Variants in IQCM observed in about 807,000 individuals in gnomAD.
IQCM encodes IQ motif containing M.
IQCM carries 45 observed loss-of-function variants against 57.6 expected under a neutral mutation model. That is an observed-to-expected ratio of 0.78 (90% CI 0.62 to 1.00). The LOEUF is 1.00. Ranked by LOEUF, IQCM falls within the 50% of genes least tolerant of loss-of-function variation. The pLI is 0.00. For synonymous variants in IQCM, 148 were observed against 158.9 expected (o/e 0.93, Z 0.51); for missense variants, 468 against 511.6 (o/e 0.91, Z 0.82).
chr4:149,386,777 A>T (rs893847698), intron 13 of IQCM, among the ~76,000 whole-genome samples: 1 of 151,934 alleles, frequency 6.6e-6, no homozygotes, highest in African/African-American at 2.4e-5. Flanking sequence ...CAGGTGTTCT[A>T]TAGAATGTCC....
intron 2 of IQCM, among the ~76,000 whole-genome samples, chr4:149,804,933 A>G (rs1239449336): frequency 6.6e-6 from 1 of 152,038 alleles, no homozygotes; most frequent in South Asian, 2.1e-4. Context: ...AATGAAGTGC[A>G]CGAAGTAGGA....
chr4:149,446,013 A>G (rs1016237372), intron 12 of IQCM, among the ~76,000 whole-genome samples: 12 of 151,776 alleles, frequency 7.9e-5, no homozygotes, highest in African/African-American at 2.9e-4. Context: ...ATTTTCCCTC[A>G]AAAATCTTGA....
chr4:149,404,152 C>A (rs1414739539), intron 13 of IQCM, among the ~76,000 whole-genome samples: 2 of 151,994 alleles, frequency 1.3e-5, no homozygotes, highest in African/African-American at 4.8e-5. Flanking sequence ...GACACATGTT[C>A]TTCGATACAC....
At chr4:149,694,256 G>C (rs1239985520) in intron 5 of IQCM, among the ~76,000 whole-genome samples, 1 of 116,690 alleles carries the variant, frequency 8.6e-6, no homozygotes, top group African/African-American at 3.4e-5. Flanking sequence ...ACGGAGTCTC[G>C]CTCTGTCGCC....
At chr4:149,476,973 G>A (rs1420306277) in intron 12 of IQCM, among the ~76,000 whole-genome samples, 1 of 152,076 alleles carries the variant, frequency 6.6e-6, no homozygotes, top group Non-Finnish European at 1.5e-5. Context: ...CACAAATACA[G>A]GAAAGACTGA....
At chr4:149,561,190 T>C (rs1431297952) in intron 10 of IQCM, among the ~76,000 whole-genome samples, 4 of 152,188 alleles carry the variant, frequency 2.6e-5, no homozygotes, top group African/African-American at 4.8e-5. Context: ...AAAGTACTTT[T>C]TTATCTCAAA....
At chr4:149,510,863 A>G (rs1178317941) in intron 12 of IQCM, among the ~76,000 whole-genome samples, 1 of 152,210 alleles carries the variant, frequency 6.6e-6, no homozygotes, top group Non-Finnish European at 1.5e-5. Context: ...AACATCACTG[A>G]TGGTAGTAAC....
At chr4:149,613,087 G>A (rs973801950) in intron 8 of IQCM, among the ~76,000 whole-genome samples, 2 of 152,018 alleles carry the variant, frequency 1.3e-5, no homozygotes, top group Admixed American at 1.3e-4. Context: ...GATGATTTGT[G>A]CTAATTCATA....
intron 12 of IQCM, among the ~76,000 whole-genome samples, chr4:149,442,949 CACACAG>C (rs1470900252): frequency 0.011 from 611 of 56,260 alleles, no homozygotes; most frequent in South Asian, 0.039. Context: ...CACACACACA[CACACAG>C]AGAGAGAGAG....
chr4:149,604,202 C>T (rs537340069), intron 8 of IQCM, among the ~76,000 whole-genome samples: 2 of 152,166 alleles, frequency 1.3e-5, no homozygotes, highest in African/African-American at 4.8e-5. Context: ...AGTGTAATTA[C>T]TGGTTTGATT....
intron 12 of IQCM, among the ~76,000 whole-genome samples, chr4:149,487,257 A>C (rs1473779592): frequency 1.3e-5 from 2 of 152,138 alleles, no homozygotes; most frequent in Non-Finnish European, 2.9e-5. Context: ...GGGACCTCAC[A>C]ACTCTGCCCA....
At position 149,658,482 on chromosome 4, in the gene IQCM, T is replaced by G. The variant is rs1035966228; in HGVS notation, c.565+23636A>C. 2.0e-5 allele frequency among the ~76,000 whole-genome samples: 3 copies of G among 152,098 alleles called. No homozygotes were observed. In the South Asian group the frequency reaches 6.2e-4, roughly 32 times the overall value. On this transcript the variant is annotated intron_variant, in intron 7 of 13. Coordinates refer to ENST00000636793, the MANE Select transcript of IQCM (RefSeq NM_001363507.2). Reference sequence around the variant, plus strand: ...TTTTACTCAAGACTGTCTTGGCTTTTGGGGTCTCTCGTGGTTCCATAAGAA... The same window carrying G: ...TTTTACTCAAGACTGTCTTGGCTTTGGGGGTCTCTCGTGGTTCCATAAGAA...
chr4:149,808,017 CA>C (rs373463035), intron 2 of IQCM, among the ~76,000 whole-genome samples: 16 of 152,124 alleles, frequency 1.1e-4, no homozygotes, highest in African/African-American at 3.6e-4. Context: ...GGAAGTTTCT[CA>C]AAAAACTAAA....
At position 149,733,612 on chromosome 4, in the gene IQCM, G is replaced by C. The variant is rs17026381; in HGVS notation, c.121-104C>G. On this transcript the variant is annotated intron_variant, in intron 4 of 13. Transcript: ENST00000636793. ...ATAAGTTCATGAAATTGCACCTCTA[G>C]TACATACATTTTACAAAGTACCTTG... 3.5e-3 allele frequency: 1,788 copies of C among 517,700 alleles called. 18 individuals are homozygous for C. The highest frequency in any genetic ancestry group is 0.031 in the African/African-American group (1,568 of 50,742). The allele number at this position is 517,700 out of a possible 1,614,324, so 32.1% of individuals were successfully genotyped here.
chr4:149,483,672 T>C (rs1329703199), intron 12 of IQCM, among the ~76,000 whole-genome samples: 1 of 151,926 alleles, frequency 6.6e-6, no homozygotes, highest in Non-Finnish European at 1.5e-5. Context: ...GCTTTGAGAG[T>C]TGTTTTGTGA....
chr4:149,555,621 T>G (rs1749507746), intron 10 of IQCM, among the ~76,000 whole-genome samples: 1 of 152,234 alleles, frequency 6.6e-6, no homozygotes. Context: ...CCTTTATGTT[T>G]ATGAACTTAG....
intron 13 of IQCM, among the ~76,000 whole-genome samples, chr4:149,418,172 T>C (rs1361894754): frequency 6.6e-6 from 1 of 151,296 alleles, no homozygotes; most frequent in East Asian, 2.0e-4. Context: ...GGTTATGGTT[T>C]TTTTTTTAAT....
chr4:149,703,823 T>C (rs1433228291), intron 5 of IQCM, among the ~76,000 whole-genome samples: 2 of 151,926 alleles, frequency 1.3e-5, no homozygotes, highest in African/African-American at 2.4e-5. Context: ...GCTTAGTAGC[T>C]GAGACAGTTT....
chr4:149,552,349 TTTTTACCC>T (rs1460730693), intron 11 of IQCM, among the ~76,000 whole-genome samples: 1 of 152,136 alleles, frequency 6.6e-6, no homozygotes, highest in Non-Finnish European at 1.5e-5. Flanking sequence ...CATTTTCACA[TTTTTACCC>T]ATAAAGCAGT....
Sources: allele counts gnomAD v4.1 joint callset (sites outside exome capture counted in the v4.1 genomes callset), GRCh38; gene constraint gnomAD v4.1.1; transcripts MANE v1.5; gene names NCBI Gene and HGNC (gene_info 2026-07-23, HGNC 2026-07-21).